Variants in SPON2 observed in about 807,000 individuals in gnomAD.
SPON2 encodes the protein spondin 2.
A neutral mutation model predicts 29.9 loss-of-function variants in SPON2; 32 were observed. That is an observed-to-expected ratio of 1.07 (90% confidence interval 0.81 to 1.44). SPON2 has a LOEUF of 1.44. Among genes scored for constraint, SPON2 ranks in the 40% most tolerant of loss-of-function variants. SPON2 has a pLI of 0.00. For missense variants in SPON2, 541 were observed against 455.5 expected, an observed-to-expected ratio of 1.19 and a Z score of -1.71; for synonymous variants, 248 against 209.1, an observed-to-expected ratio of 1.19 and a Z score of -1.61.
intron 1 of SPON2, 110 bp from the exon 2 acceptor site, chr4:1,172,184 C>T (rs1007454560): frequency 4.6e-6 from 4 of 873,514 alleles, no homozygotes; most frequent in Non-Finnish European, 7.0e-6. Flanking sequence ...CCCGAGCACC[C>T]GCGACCCCCT....
At chr4:1,176,748 C>A (rs1469294578), upstream of SPON2, among the ~76,000 whole-genome samples, 1 of 151,846 alleles carries the variant, frequency 6.6e-6, no homozygotes, top group Non-Finnish European at 1.5e-5. Context: ...TACATTCATG[C>A]ACTAATTCAC....
At position 1,172,003 on chromosome 4, in the gene SPON2, G is replaced by A; in HGVS notation, c.69C>T (p.Gly23=). The stretch of plus-strand genomic sequence containing the variant: ...CTCCCCCAAGAGGCTGGCCGGCGGC[G>A]CCGAGAGTGGCCAGGAGGAGAGCGC... ...ALCALLLATL[G]AAGQPLGGES... Residue 23 remains glycine, a synonymous_variant, in exon 2 of 6, where the codon GGC becomes GGT. Coordinates refer to ENST00000290902, the MANE Select transcript of SPON2 (RefSeq NM_012445.4). 6.2e-7 allele frequency: 1 copy of A among 1,612,836 alleles called. No homozygotes were observed. The highest frequency in any genetic ancestry group is 8.5e-7 in the Non-Finnish European group (1 of 1,179,892).
chr4:1,172,278 C>A (rs1200879492), intron 1 of SPON2: 2 of 599,766 alleles, frequency 3.3e-6, no homozygotes, highest in East Asian at 5.6e-5. Context: ...GCCCGTGCGC[C>A]TGCGAGCGAC....
chr4:1,202,807 C>T lies in SPON2; in HGVS notation c.-234+5073G>A, dbSNP rs897239316. 6.6e-6 allele frequency among the ~76,000 whole-genome samples: 1 copy of T among 152,204 alleles called. No homozygotes were observed. Among genetic ancestry groups the T allele is most frequent in the Non-Finnish European group, 1.5e-5 (1 of 68,038 alleles). ...GAAATCTGGGTGCAGGCCACCATCG[C>T]CTGCAGTGTCAGCGCCCCGTGGATG... On this transcript the variant is annotated intron_variant, in intron 1 of 3. Transcript: ENST00000509233. This position sits in a 1 kb window ranked among gnomAD's most constrained non-coding sequence, Gnocchi z 5.4.
At chr4:1,194,880 TCCAACGCCACAGCCGGCGAC>T (rs1560210476) in intron 1 of SPON2, 81 of 129,816 alleles carry the variant, frequency 6.2e-4, no homozygotes, top group African/African-American at 2.1e-3. Context: ...AGCCGGCGGC[TCCAACGCCACAGCCGGCGAC>T]TCCAACCCCG....
intron 2 of SPON2, among the ~76,000 whole-genome samples, chr4:1,179,178 G>A (rs1463765373): frequency 6.6e-5 from 10 of 151,168 alleles, no homozygotes; most frequent in African/African-American, 1.4e-4. Context: ...GACCTTGCCC[G>A]GCTGCTTCAC....
intron 1 of SPON2, among the ~76,000 whole-genome samples, chr4:1,184,726 A>G (rs1727760573): frequency 6.6e-6 from 1 of 152,066 alleles, no homozygotes; most frequent in African/African-American, 2.4e-5. Context: ...CGAGGTCAGG[A>G]GTTCATGACC....
chr4:1,197,775 G>A (rs760492881), upstream of SPON2, among the ~76,000 whole-genome samples: 1 of 152,186 alleles, frequency 6.6e-6, no homozygotes, highest in African/African-American at 2.4e-5. Flanking sequence ...TAGGCTGGGC[G>A]TGGTGGCTCA....
chr4:1,170,319 G>C (rs548882204), intron 5 of SPON2, 83 bp downstream of exon 5: 2 of 1,375,778 alleles, frequency 1.5e-6, no homozygotes, highest in Admixed American at 4.4e-5. Context: ...GAATTTCTCA[G>C]AGCCTTAGGT....
At chr4:1,178,687 GT>G (rs1000231576) in intron 2 of SPON2, among the ~76,000 whole-genome samples, 1 of 141,192 alleles carries the variant, frequency 7.1e-6, no homozygotes, top group African/African-American at 2.7e-5. Flanking sequence ...TCATGCCAGG[GT>G]TTTTTTTTCA....
rs1727462150 is a variant in SPON2, at chr4:1,171,840, G to C, written c.220+12C>G. 1 of 1,594,214 alleles carries C rather than the reference G, an allele frequency of 6.3e-7. No homozygotes were observed. The highest frequency in any genetic ancestry group is 8.6e-7 in the Non-Finnish European group (1 of 1,162,884). ...CTGGTGGAGCAGGAGGCGAGGAGGG[G>C]GCTGTACTTACCCAGCAGCGAAGAC... On this transcript the variant is annotated intron_variant, in intron 2 of 5. Coordinates refer to ENST00000290902, the MANE Select transcript of SPON2 (RefSeq NM_012445.4).
chr4:1,179,331 T>C (rs1013965383), intron 2 of SPON2: 1 of 151,638 alleles, frequency 6.6e-6, no homozygotes, highest in Non-Finnish European at 1.5e-5. Context: ...GCCACAGATC[T>C]GGGAGGAGAA....
upstream of SPON2, among the ~76,000 whole-genome samples, chr4:1,195,568 C>T (rs1728048990): frequency 6.6e-6 from 1 of 152,084 alleles, no homozygotes; most frequent in Admixed American, 6.5e-5. Context: ...GTAGGCACTG[C>T]CGCAGCCCCT....
In SPON2 at chr4:1,202,491, A is replaced by C. The variant is rs2108681806; in HGVS notation, c.-234+5389T>G. ...TCTAGAGGGACAGGACTCATAGGATACATGAACAGGGGATGATCTTGGACT... is the reference window on the plus strand; with the variant it reads ...TCTAGAGGGACAGGACTCATAGGATCCATGAACAGGGGATGATCTTGGACT... On this transcript the variant is annotated intron_variant, in intron 1 of 3. Coordinates refer to the SPON2 transcript ENST00000509233. This position sits in a 1 kb window ranked among gnomAD's most constrained non-coding sequence, Gnocchi z 5.4. Among the ~76,000 whole-genome samples the C allele has an allele frequency of 6.6e-6, 1 of 152,352 alleles. No individual in the cohort carries two copies. The highest frequency in any genetic ancestry group is 6.5e-5 in the Admixed American group (1 of 15,310).
At chr4:1,180,557 C>T (rs544357205) in intron 1 of SPON2, among the ~76,000 whole-genome samples, 1 of 152,184 alleles carries the variant, frequency 6.6e-6, no homozygotes, top group Non-Finnish European at 1.5e-5. Flanking sequence ...AGACAAGATG[C>T]TGGATGTACC....
intron 4 of SPON2, 174 bp from the exon 5 acceptor site, chr4:1,170,750 G>A (rs1314617962): frequency 4.0e-6 from 4 of 1,008,162 alleles, no homozygotes; most frequent in Non-Finnish European, 6.1e-6. Flanking sequence ...TGGAAACCGA[G>A]GCCAGGAAGG....
intron 1 of SPON2, among the ~76,000 whole-genome samples, chr4:1,206,546 G>A (rs902992428): frequency 8.5e-5 from 13 of 152,218 alleles, no homozygotes; most frequent in South Asian, 4.1e-4. Flanking sequence ...GGACAGATGT[G>A]TCCCCTGTGG....
intron 5 of SPON2, among the ~76,000 whole-genome samples, chr4:1,168,531 C>G (rs1560199683): frequency 6.6e-6 from 1 of 152,252 alleles, no homozygotes; most frequent in Non-Finnish European, 1.5e-5. Flanking sequence ...TCCAGAGATG[C>G]AGGAACAGGG....
At chr4:1,169,003 T>A (rs919409921) in intron 5 of SPON2, among the ~76,000 whole-genome samples, 9 of 152,196 alleles carry the variant, frequency 5.9e-5, no homozygotes, top group African/African-American at 1.9e-4. Context: ...GTCCCTCGGC[T>A]GGCACAGCTG....
Sources: gnomAD v4.1 joint callset for allele counts (sites outside exome capture counted in the v4.1 genomes callset) on GRCh38, gnomAD v4.1.1 for gene constraint, Gnocchi (gnomAD v3.1) non-coding constraint, MANE v1.5 for transcripts, NCBI Gene and HGNC (gene_info 2026-07-23, HGNC 2026-07-21) for gene names.